MGMT: variants seen among roughly 807,000 people sequenced by gnomAD.
MGMT encodes the protein O-6-methylguanine-DNA methyltransferase.
MGMT carries 14 observed loss-of-function variants against 15.9 expected under a neutral mutation model. The observed-to-expected ratio is 0.88, with a 90% CI of 0.58 to 1.37. The LOEUF is 1.37. Ranked by LOEUF, MGMT falls within the 40% of genes most tolerant of loss-of-function variation. The pLI is 0.00. For synonymous variants in MGMT, 130 were observed against 118.2 expected (o/e 1.10, Z -0.65); for missense variants, 282 against 268.1 (o/e 1.05, Z -0.36).
intron 1 of MGMT, among the ~76,000 whole-genome samples, chr10:129,518,289 C>A (rs1347697808): frequency 2.0e-5 from 3 of 150,302 alleles, no homozygotes; most frequent in Non-Finnish European, 4.4e-5. Context: ...CTTTATAAAT[C>A]TTAAAGATGA....
At chr10:129,728,580 G>A (rs1185128792) in intron 3 of MGMT, among the ~76,000 whole-genome samples, 3 of 152,096 alleles carry the variant, frequency 2.0e-5, no homozygotes, top group East Asian at 3.9e-4. Context: ...TGTGTGGCAT[G>A]TGCTGCTCCC....
chr10:129,684,986 G>C (rs1199529424), intron 2 of MGMT, among the ~76,000 whole-genome samples: 1 of 152,194 alleles, frequency 6.6e-6, no homozygotes, highest in Non-Finnish European at 1.5e-5. Flanking sequence ...TTCTATGACA[G>C]GCCCGAGTAG....
At chr10:129,561,506 TA>T (rs1265848638) in intron 2 of MGMT, among the ~76,000 whole-genome samples, 4 of 152,202 alleles carry the variant, frequency 2.6e-5, no homozygotes, top group Non-Finnish European at 4.4e-5. Flanking sequence ...TCAGAGAAGT[TA>T]AACAATGCGC....
chr10:129,586,002 C>T (rs1003605107), intron 2 of MGMT, among the ~76,000 whole-genome samples: 12 of 152,024 alleles, frequency 7.9e-5, no homozygotes, highest in African/African-American at 2.4e-4. Context: ...GGCTACTAAG[C>T]GACAGAAGGG....
At chr10:129,490,058 TAGAA>T (rs1371475673) in intron 1 of MGMT, among the ~76,000 whole-genome samples, 2 of 152,206 alleles carry the variant, frequency 1.3e-5, no homozygotes, top group African/African-American at 4.8e-5. Context: ...AGACTTTTGG[TAGAA>T]AGAACTTTCC....
intron 2 of MGMT, among the ~76,000 whole-genome samples, chr10:129,630,101 G>A (rs536878755): frequency 6.6e-5 from 10 of 152,296 alleles, no homozygotes; most frequent in Non-Finnish European, 1.2e-4. Context: ...AATCGCGTGC[G>A]TCTCCAGTCT....
At chr10:129,722,112 T>C (rs1848379226) in intron 3 of MGMT, among the ~76,000 whole-genome samples, 1 of 152,108 alleles carries the variant, frequency 6.6e-6, no homozygotes, top group African/African-American at 2.4e-5. Flanking sequence ...TAAGTAAAAT[T>C]GTATTTATTT....
At chr10:129,614,384 G>C (rs1471304551) in intron 2 of MGMT, among the ~76,000 whole-genome samples, 1 of 152,200 alleles carries the variant, frequency 6.6e-6, no homozygotes, top group East Asian at 1.9e-4. Flanking sequence ...GTGATCGTCT[G>C]TGGGCTTTCC....
intron 1 of MGMT, among the ~76,000 whole-genome samples, chr10:129,487,576 C>A (rs1845421402): frequency 1.3e-5 from 2 of 149,990 alleles, no homozygotes; most frequent in Non-Finnish European, 3.0e-5. Flanking sequence ...GGAAGGGAAT[C>A]AAAAAATTGT....
intron 3 of MGMT, among the ~76,000 whole-genome samples, chr10:129,735,359 T>C (rs1336959239): frequency 1.3e-5 from 2 of 152,216 alleles, no homozygotes; most frequent in African/African-American, 4.8e-5. Context: ...GAGGTGTTTG[T>C]AGTATTCTCT....
intron 3 of MGMT, among the ~76,000 whole-genome samples, chr10:129,753,401 G>A (rs754140128): frequency 6.6e-6 from 1 of 152,038 alleles, no homozygotes; most frequent in African/African-American, 2.4e-5. Context: ...TCGTTTATTT[G>A]AATTTTTTCC....
chr10:129,476,865 G>C (rs1037875112), intron 1 of MGMT, among the ~76,000 whole-genome samples: 23 of 152,318 alleles, frequency 1.5e-4, no homozygotes, highest in African/African-American at 5.3e-4. Context: ...ACACCAGACT[G>C]AGTGGCAGGG....
rs147857973 is a variant in MGMT, at chr10:129,560,989, G to GCGTGTGCA, written c.125+24612_125+24613insCGTGTGCA. Among the ~76,000 whole-genome samples, 229 of 149,900 alleles carry GCGTGTGCA rather than the reference G, an allele frequency of 1.5e-3. 2 individuals are homozygous for GCGTGTGCA. Among genetic ancestry groups the GCGTGTGCA allele is most frequent in the African/African-American group, 3.7e-3 (149 of 40,682 alleles). ...TGTGTGTGTGTGTGTGTGTGTGTGT[G>GCGTGTGCA]TGTGTGTGTTCCTTTCCCAGCCAGC... On this transcript the variant is annotated intron_variant, in intron 2 of 4. Coordinates refer to ENST00000651593, the MANE Select transcript of MGMT (RefSeq NM_002412.5).
In MGMT at chr10:129,467,251, G is replaced by A. The variant is rs767987448; in HGVS notation, c.-58G>A. On this transcript the variant is annotated 5_prime_UTR_variant, in exon 1 of 5. Transcript: ENST00000651593. ...AGCCCGCGCCCCTAGAACGCTTTGC[G>A]TCCCGACGCCCGCAGGTCCTCGCGG... 6.5e-7 allele frequency: 1 copy of A among 1,543,142 alleles called. No homozygotes were observed. The highest frequency in any genetic ancestry group is 8.7e-7 in the Non-Finnish European group (1 of 1,145,244).
intron 3 of MGMT, among the ~76,000 whole-genome samples, chr10:129,742,592 G>T (rs1029078975): frequency 2.6e-5 from 4 of 151,260 alleles, no homozygotes; most frequent in African/African-American, 9.8e-5. Context: ...GGGGCGTTCA[G>T]CAGTGCCCCA....
intron 2 of MGMT, among the ~76,000 whole-genome samples, chr10:129,604,301 A>G (rs1846860770): frequency 1.3e-5 from 2 of 152,320 alleles, no homozygotes. Flanking sequence ...AGCACCAGAG[A>G]GCCTAGCACT....
intron 2 of MGMT, among the ~76,000 whole-genome samples, chr10:129,635,060 C>T (rs559029071): frequency 6.6e-6 from 1 of 152,282 alleles, no homozygotes; most frequent in African/African-American, 2.4e-5. Flanking sequence ...TGAGGCCAGC[C>T]CCCTTTTCAG....
intron 1 of MGMT, among the ~76,000 whole-genome samples, chr10:129,468,263 T>C (rs752461494): frequency 1.3e-5 from 2 of 152,158 alleles, no homozygotes; most frequent in Non-Finnish European, 2.9e-5. Flanking sequence ...CTCTGGGAGA[T>C]GAACAAGATT....
At chr10:129,675,595 A>G (rs996654065) in intron 2 of MGMT, among the ~76,000 whole-genome samples, 6 of 152,092 alleles carry the variant, frequency 3.9e-5, no homozygotes, top group Non-Finnish European at 7.4e-5. Context: ...ACAACGCTTC[A>G]ACCTTGGGCC....
Sources: allele counts gnomAD v4.1 joint callset (sites outside exome capture counted in the v4.1 genomes callset), GRCh38; gene constraint gnomAD v4.1.1; transcripts MANE v1.5; gene names NCBI Gene and HGNC (gene_info 2026-07-23, HGNC 2026-07-21).